The following ARHGAP23 variants were observed in gnomAD, a reference collection of about 807,000 sequenced individuals.
ARHGAP23 encodes Rho GTPase activating protein 23.
ARHGAP23 carries 34 observed loss-of-function variants against 136.3 expected under a neutral mutation model. The observed-to-expected ratio is 0.25, with a 90% CI of 0.19 to 0.33. The LOEUF is 0.33. Ranked by LOEUF, ARHGAP23 falls within the 10% of genes least tolerant of loss-of-function variation. The pLI, the probability that ARHGAP23 is intolerant of heterozygous loss-of-function variation, is 1.00. For missense variants in ARHGAP23, 1,808 were observed against 2,139.0 expected, an observed-to-expected ratio of 0.85 and a Z score of 3.05; for synonymous variants, 832 against 920.5, an observed-to-expected ratio of 0.90 and a Z score of 1.74.
chr17:38,481,782 C>T (rs2040048748), intron 14 of ARHGAP23, among the ~76,000 whole-genome samples: 1 of 152,206 alleles, frequency 6.6e-6, no homozygotes, highest in African/African-American at 2.4e-5. Context: ...ATGGCTTCCG[C>T]CTTGTAGTTT....
chr17:38,464,898 C>T (rs376809834), intron 6 of ARHGAP23, among the ~76,000 whole-genome samples: 62 of 152,316 alleles, frequency 4.1e-4, no homozygotes, highest in African/African-American at 1.3e-3. Flanking sequence ...GGAGGCCAAT[C>T]GGGCCTCGGC....
chr17:38,423,433 A>G (rs1030220764), intron 1 of ARHGAP23, among the ~76,000 whole-genome samples: 1 of 151,562 alleles, frequency 6.6e-6, no homozygotes, highest in African/African-American at 2.4e-5. Context: ...GTGCAGTGGC[A>G]TGATCGCAGC....
intron 2 of ARHGAP23, among the ~76,000 whole-genome samples, chr17:38,459,243 ACTGT>A (rs2039403025): frequency 6.6e-6 from 1 of 152,096 alleles, no homozygotes; most frequent in Non-Finnish European, 1.5e-5. Context: ...AGGGGACTTC[ACTGT>A]CTGTGTTCGT....
chr17:38,433,502 A>C (rs1053015492), intron 1 of ARHGAP23, among the ~76,000 whole-genome samples: 3 of 152,178 alleles, frequency 2.0e-5, no homozygotes, highest in African/African-American at 7.2e-5. Context: ...CCATCACTGG[A>C]GGTGCAGTGA....
chr17:38,479,950 CGT>C (rs996993790), intron 14 of ARHGAP23, 67 bp downstream of exon 14: 19 of 1,527,302 alleles, frequency 1.2e-5, no homozygotes, highest in East Asian at 2.5e-5. Flanking sequence ...GGAGGGCACG[CGT>C]GTGTGTGTTG....
At chr17:38,453,422 C>CGTGTGTGT (rs1161809844) in intron 1 of ARHGAP23, among the ~76,000 whole-genome samples, 36 of 116,652 alleles carry the variant, frequency 3.1e-4, no homozygotes, top group Middle Eastern at 4.7e-3. Flanking sequence ...CGTATGCGTG[C>CGTGTGTGT]GTGTGTGTGT....
intron 22 of ARHGAP23, 90 bp downstream of exon 22, chr17:38,498,600 C>T: frequency 8.9e-7 from 1 of 1,125,706 alleles, no homozygotes; most frequent in Non-Finnish European, 1.2e-6. Context: ...CCCAGCTTCC[C>T]TGTGCCACCC....
chr17:38,462,721 G>A (rs955611169), intron 3 of ARHGAP23, 125 bp from the exon 4 acceptor site: 1 of 688,940 alleles, frequency 1.5e-6, no homozygotes, highest in South Asian at 2.2e-5. Flanking sequence ...GGATGTTTGA[G>A]CCTGTGCATG....
chr17:38,478,079 A>C (rs2039940945), intron 12 of ARHGAP23, among the ~76,000 whole-genome samples, 183 bp downstream of exon 12: 1 of 152,188 alleles, frequency 6.6e-6, no homozygotes, highest in African/African-American at 2.4e-5. Flanking sequence ...GGCAGGGCTC[A>C]CGGGGGACCT....
intron 11 of ARHGAP23, among the ~76,000 whole-genome samples, chr17:38,476,518 T>C (rs960849013): frequency 1.3e-5 from 2 of 152,062 alleles, no homozygotes; most frequent in African/African-American, 2.4e-5. Flanking sequence ...AAAGTGCCCA[T>C]GGGACCTGCA....
intron 1 of ARHGAP23, chr17:38,450,678 T>C (rs914824990): frequency 6.6e-6 from 1 of 152,208 alleles, no homozygotes; most frequent in Non-Finnish European, 1.5e-5. Context: ...AGTGCTGAGA[T>C]TGCAGGTGTG....
rs200291668 is a variant in ARHGAP23, at chr17:38,484,263, G to A, written c.2907+1585G>A. On this transcript the variant is annotated intron_variant, in intron 16 of 23. Transcript: ENST00000622683. ...GAGGAAGGAGGGGCGAGGAAGAGCC[G>A]CATGTTTGAGCTGGGGCTGGTGGTA... Among the ~76,000 whole-genome samples the A allele has an allele frequency of 9.9e-5, 15 of 152,146 alleles. No homozygotes were observed. In the East Asian group the frequency reaches 1.7e-3, roughly 18 times the overall value.
At chr17:38,468,387 A>AG (rs2039664274) in intron 7 of ARHGAP23, among the ~76,000 whole-genome samples, 1 of 151,476 alleles carries the variant, frequency 6.6e-6, no homozygotes, top group Admixed American at 6.6e-5. Flanking sequence ...TGGGAGTGAG[A>AG]GGGGGACAAA....
Position 38,510,564 on chromosome 17 carries a change from GCCCCCGGCGGCGGCGCTGGC to G in ARHGAP23, c.4070_4089del (p.Pro1357LeufsTer53). On this transcript the variant is annotated frameshift_variant, in exon 24 of 24. Transcript: ENST00000622683. LOFTEE classifies it high-confidence loss of function. The surrounding 1 kb of genome is among the most constrained non-coding windows in gnomAD (Gnocchi z 4.6). ...CGTCCAGCAGCCAGGAGTCGCTGCG[GCCCCCGGCGGCGGCGCTGGC>G]CTCCCGGCCCTCGCGCATGGAGGCG... 8.1e-7 allele frequency: 1 copy of G among 1,233,526 alleles called. No homozygotes were observed. Among genetic ancestry groups the G allele is most frequent in the Non-Finnish European group, 1.0e-6 (1 of 988,526 alleles). The allele number at this position is 1,233,526 out of a possible 1,614,324, so 76.4% of individuals were successfully genotyped here. A position where few individuals can be genotyped will look rare whatever the true frequency, so the allele number is the denominator to read the frequency against.
intron 22 of ARHGAP23, among the ~76,000 whole-genome samples, chr17:38,499,848 C>G (rs1028695403): frequency 1.3e-5 from 2 of 152,148 alleles, no homozygotes; most frequent in African/African-American, 4.8e-5. Context: ...CTTCTTTAGC[C>G]TTGGAGGGGA....
chr17:38,434,617 G>A (rs1403952247), intron 1 of ARHGAP23, among the ~76,000 whole-genome samples: 2 of 152,226 alleles, frequency 1.3e-5, no homozygotes, highest in Non-Finnish European at 2.9e-5. Context: ...CTGGGAGACC[G>A]CGTGGGAGCC....
intron 1 of ARHGAP23, among the ~76,000 whole-genome samples, chr17:38,448,906 T>A (rs1288773089): frequency 1.4e-5 from 2 of 145,276 alleles, no homozygotes; most frequent in Non-Finnish European, 3.0e-5. Flanking sequence ...AGCCTTGACC[T>A]CCCTGGGTTC....
At chr17:38,472,782 G>A (rs1047744583) in intron 11 of ARHGAP23, among the ~76,000 whole-genome samples, 2 of 152,192 alleles carry the variant, frequency 1.3e-5, no homozygotes, top group African/African-American at 4.8e-5. Context: ...GAGCCTGGGT[G>A]ACTCACCTGG....
intron 11 of ARHGAP23, among the ~76,000 whole-genome samples, chr17:38,476,659 G>GGGAGA (rs770821340): frequency 2.6e-5 from 4 of 152,168 alleles, no homozygotes; most frequent in African/African-American, 7.2e-5. Context: ...GAGGTGTGCA[G>GGGAGA]GGAGAGGAGA....
Sources: allele counts gnomAD v4.1 joint callset (sites outside exome capture counted in the v4.1 genomes callset), GRCh38; gene constraint gnomAD v4.1.1; non-coding constraint Gnocchi (gnomAD v3.1); transcripts MANE v1.5; gene names NCBI Gene and HGNC (gene_info 2026-07-23, HGNC 2026-07-21).